CNOT6L: variants seen among roughly 807,000 people sequenced by gnomAD.
CNOT6L encodes the protein CCR4-NOT transcription complex subunit 6-like.
A neutral mutation model predicts 64.0 loss-of-function variants in CNOT6L; 7 were observed. That is an observed-to-expected ratio of 0.11 (90% CI 0.06 to 0.21). The LOEUF (loss-of-function observed/expected upper bound fraction) is 0.21. Ranked by LOEUF, CNOT6L falls within the 10% of genes least tolerant of loss-of-function variation. The pLI is 1.00. For synonymous variants in CNOT6L, 193 were observed against 243.4 expected, an observed-to-expected ratio of 0.79 and a Z score of 1.93; for missense variants, 245 against 669.0, an observed-to-expected ratio of 0.37 and a Z score of 6.99.
rs974682872 is a variant in CNOT6L, at chr4:77,776,510, A to C, written c.6-118T>G. The stretch of plus-strand genomic sequence containing the variant: ...TTACCAGTCTAGTAAGTCATTTTAT[A>C]CTACAAATTCTCACTTGCAGAAAAA... On this transcript the variant is annotated intron_variant, in intron 1 of 11. Coordinates refer to ENST00000504123, the MANE Select transcript of CNOT6L (RefSeq NM_144571.3). 4 of 675,456 alleles carry C rather than the reference A, an allele frequency of 5.9e-6. No homozygotes were observed. In the East Asian group the frequency reaches 1.1e-4, roughly 19 times the overall value. The allele number at this position is 675,456 out of a possible 1,614,324, so 41.8% of individuals were successfully genotyped here. A position where few individuals can be genotyped will look rare whatever the true frequency, so the allele number is the denominator to read the frequency against.
chr4:77,747,719 A>ATC (rs1724364903), intron 6 of CNOT6L, among the ~76,000 whole-genome samples: 1 of 152,226 alleles, frequency 6.6e-6, no homozygotes, highest in Admixed American at 6.5e-5. Flanking sequence ...ATAAAGGCTT[A>ATC]TGTTTTCTAC....
At chr4:77,808,251 C>G (rs551911858) in intron 1 of CNOT6L, among the ~76,000 whole-genome samples, 3 of 152,030 alleles carry the variant, frequency 2.0e-5, no homozygotes, top group Admixed American at 6.5e-5. Flanking sequence ...CATTTGAGGT[C>G]AGGAGTTCGA....
chr4:77,803,080 A>C (rs1332207118), intron 1 of CNOT6L, among the ~76,000 whole-genome samples: 1 of 152,182 alleles, frequency 6.6e-6, no homozygotes, highest in Non-Finnish European at 1.5e-5. Context: ...AATATTGATA[A>C]TGAGCAATAA....
At chr4:77,745,710 A>AG (rs1246371906) in intron 6 of CNOT6L, among the ~76,000 whole-genome samples, 1 of 152,222 alleles carries the variant, frequency 6.6e-6, no homozygotes, top group East Asian at 1.9e-4. Flanking sequence ...TGCTGAAGTA[A>AG]GGGTCTGACT....
At chr4:77,799,774 A>C (rs567888623) in intron 1 of CNOT6L, among the ~76,000 whole-genome samples, 1 of 151,874 alleles carries the variant, frequency 6.6e-6, no homozygotes. Flanking sequence ...CTGTAAAAGG[A>C]TCACATATCA....
intron 1 of CNOT6L, among the ~76,000 whole-genome samples, chr4:77,818,801 C>G: frequency 6.6e-6 from 1 of 151,934 alleles, no homozygotes; most frequent in Non-Finnish European, 1.5e-5. Flanking sequence ...GGTGGGCGGG[C>G]GCCCAGGCAG....
chr4:77,721,850 T>C (rs1037323816), intron 11 of CNOT6L, among the ~76,000 whole-genome samples: 7 of 152,024 alleles, frequency 4.6e-5, no homozygotes, highest in African/African-American at 7.2e-5. Context: ...CAGGCACCCA[T>C]AGTCCCAGCT....
intron 1 of CNOT6L, among the ~76,000 whole-genome samples, chr4:77,782,466 G>A (rs1400230251): frequency 6.7e-6 from 1 of 150,370 alleles, no homozygotes; most frequent in Non-Finnish European, 1.5e-5. Context: ...CCCAGTAGCT[G>A]GGACTACAGG....
chr4:77,781,621 A>G (rs942339520), intron 1 of CNOT6L, among the ~76,000 whole-genome samples: 14 of 152,214 alleles, frequency 9.2e-5, no homozygotes, highest in African/African-American at 3.1e-4. Context: ...ATAAAGTAGC[A>G]TAACTCCCCC....
intron 1 of CNOT6L, among the ~76,000 whole-genome samples, chr4:77,789,479 C>T (rs1453311609): frequency 2.0e-5 from 3 of 151,960 alleles, no homozygotes; most frequent in African/African-American, 7.3e-5. Context: ...TAGTTCAAGA[C>T]CACCCTGGGC....
rs946493900 is a variant in CNOT6L at position 77,713,941 on chromosome 4, A to T, written c.*6490T>A. 5 of 152,288 alleles carry T rather than the reference A, an allele frequency of 3.3e-5. No homozygotes were observed. The highest frequency in any genetic ancestry group is 2.1e-4 in the South Asian group (1 of 4,812). 9.4% of individuals were successfully genotyped at this position (152,288 alleles called of 1,614,324 possible). A position where few individuals can be genotyped will look rare whatever the true frequency, so the allele number is the denominator to read the frequency against. ...GGCACTTCATTAAATAGTCTAATTT[A>T]AAAAAAAATCTTAGATTTTAAACTG... On this transcript the variant is annotated 3_prime_UTR_variant, in exon 12 of 12. Coordinates refer to ENST00000504123, the MANE Select transcript of CNOT6L (RefSeq NM_144571.3).
chr4:77,805,169 T>C (rs1481570770), intron 1 of CNOT6L, among the ~76,000 whole-genome samples: 1 of 152,204 alleles, frequency 6.6e-6, no homozygotes. Flanking sequence ...ACTGTATATA[T>C]TATACTGCTA....
intron 1 of CNOT6L, among the ~76,000 whole-genome samples, chr4:77,780,317 G>A (rs533403734): frequency 2.6e-5 from 4 of 152,224 alleles, no homozygotes; most frequent in South Asian, 2.1e-4. Context: ...GAAGAGGCAG[G>A]TTTTTGAATT....
upstream of CNOT6L, among the ~76,000 whole-genome samples, chr4:77,820,184 G>C (rs980030993): frequency 6.6e-6 from 1 of 152,210 alleles, no homozygotes; most frequent in Non-Finnish European, 1.5e-5. Context: ...AGGCGTCCGG[G>C]CGATATCGGT....
intron 11 of CNOT6L, among the ~76,000 whole-genome samples, chr4:77,722,599 TAG>T (rs1721404402): frequency 6.6e-6 from 1 of 152,166 alleles, no homozygotes; most frequent in Non-Finnish European, 1.5e-5. Context: ...CATCAACTGC[TAG>T]AGTTCTTTGC....
At chr4:77,736,962 G>A (rs1023818522) in intron 8 of CNOT6L, among the ~76,000 whole-genome samples, 3 of 127,862 alleles carry the variant, frequency 2.3e-5, no homozygotes, top group Admixed American at 1.8e-4. Context: ...AACACGTCCA[G>A]AGCAGTCCTT....
chr4:77,753,047 C>T (rs754391967), intron 5 of CNOT6L, among the ~76,000 whole-genome samples: 9 of 151,540 alleles, frequency 5.9e-5, no homozygotes, highest in South Asian at 4.1e-4. Context: ...GAACAACTTT[C>T]GGCCCGTAAA....
chr4:77,717,184 A>AAAAC lies in CNOT6L; in HGVS notation c.*3243_*3246dup, dbSNP rs1720835481. 1 of 152,590 alleles carries AAAAC rather than the reference A, an allele frequency of 6.6e-6. No homozygotes were observed. The highest frequency in any genetic ancestry group is 2.4e-5 in the African/African-American group (1 of 41,514). The allele number at this position is 152,590 out of a possible 1,614,324, so 9.5% of individuals were successfully genotyped here. On this transcript the variant is annotated 3_prime_UTR_variant, in exon 12 of 12. Coordinates refer to ENST00000504123, the MANE Select transcript of CNOT6L (RefSeq NM_144571.3). ...AAGTTGACACCAGGCACAATATTTT[A>AAAAC]AAACAAAATCAACGAGCAAGGAGCA...
intron 6 of CNOT6L, 95 bp downstream of exon 6, chr4:77,748,221 G>T: frequency 1.2e-6 from 1 of 866,724 alleles, no homozygotes; most frequent in Non-Finnish European, 1.9e-6. Context: ...ACCCATGAAA[G>T]GTAAAAATGA....
Sources: gnomAD v4.1 joint callset for allele counts (sites outside exome capture counted in the v4.1 genomes callset) on GRCh38, gnomAD v4.1.1 for gene constraint, MANE v1.5 for transcripts, NCBI Gene and HGNC (gene_info 2026-07-23, HGNC 2026-07-21) for gene names.